The following PRKAG2 variants were observed in gnomAD, a reference collection of about 807,000 sequenced individuals.
The protein encoded by PRKAG2 is protein kinase AMP-activated non-catalytic subunit gamma 2.
Under a neutral mutation model 69.6 loss-of-function variants are expected in PRKAG2, and 26 were observed. The observed-to-expected ratio is 0.37, with a 90% CI of 0.27 to 0.52. PRKAG2 has a LOEUF of 0.52. Ranked by LOEUF, PRKAG2 falls within the 20% of genes least tolerant of loss-of-function variation. PRKAG2 has a pLI of 0.90. For synonymous variants in PRKAG2, 293 were observed against 285.0 expected (o/e 1.03, Z -0.28); for missense variants, 557 against 740.0 (o/e 0.75, Z 2.87).
chr7:151,793,173 A>C (rs2077344905), intron 1 of PRKAG2, among the ~76,000 whole-genome samples: 1 of 152,312 alleles, frequency 6.6e-6, no homozygotes, highest in African/African-American at 2.4e-5. Context: ...GCATGTTCTC[A>C]TCTCCTATCT....
chr7:151,628,017 T>C (rs1823428243), intron 5 of PRKAG2, among the ~76,000 whole-genome samples: 1 of 152,102 alleles, frequency 6.6e-6, no homozygotes, highest in African/African-American at 2.4e-5. Context: ...ACAGAATGGC[T>C]GAACTGGGAT....
At chr7:151,846,618 G>A (rs1424615182) in intron 1 of PRKAG2, among the ~76,000 whole-genome samples, 1 of 152,218 alleles carries the variant, frequency 6.6e-6, no homozygotes, top group Non-Finnish European at 1.5e-5. Flanking sequence ...GCTGGCAGGA[G>A]GTGGTATATG....
At chr7:151,598,455 C>T (rs569476213) in intron 5 of PRKAG2, among the ~76,000 whole-genome samples, 1 of 152,094 alleles carries the variant, frequency 6.6e-6, no homozygotes, top group African/African-American at 2.4e-5. Flanking sequence ...AATGTTCCTG[C>T]CATAAAGAAA....
chr7:151,640,881 T>C (rs1444551553), intron 4 of PRKAG2, among the ~76,000 whole-genome samples: 1 of 152,216 alleles, frequency 6.6e-6, no homozygotes, highest in Non-Finnish European at 1.5e-5. Context: ...ATTCAAAAAA[T>C]ATTTGAGTGA....
intron 4 of PRKAG2, among the ~76,000 whole-genome samples, chr7:151,652,208 T>A (rs1216511967): frequency 6.6e-6 from 1 of 152,250 alleles, no homozygotes. Context: ...TCAAGAAGGC[T>A]ATCCACAATT....
At chr7:151,641,799 C>T (rs562664910) in intron 4 of PRKAG2, among the ~76,000 whole-genome samples, 8 of 152,162 alleles carry the variant, frequency 5.3e-5, no homozygotes, top group East Asian at 1.9e-4. Flanking sequence ...GCATGAGTGA[C>T]ATCACCTGGC....
chr7:151,830,171 T>C (rs1285702627), intron 1 of PRKAG2, among the ~76,000 whole-genome samples: 1 of 150,338 alleles, frequency 6.7e-6, no homozygotes, highest in African/African-American at 2.4e-5. Flanking sequence ...GGGTCGCTGA[T>C]AGAAGTTCAG....
chr7:151,604,035 G>A (rs1302544608), intron 5 of PRKAG2, among the ~76,000 whole-genome samples: 1 of 152,148 alleles, frequency 6.6e-6, no homozygotes, highest in Non-Finnish European at 1.5e-5. Context: ...TGGACTGGTG[G>A]GTGGCTTGTG....
rs141606779 is a variant in PRKAG2, at chr7:151,684,247, A to G, written c.467-8610T>C. 1.6e-3 allele frequency among the ~76,000 whole-genome samples: 237 copies of G among 152,186 alleles called. 2 individuals are homozygous for G. Among genetic ancestry groups the G allele is most frequent in the African/African-American group, 5.4e-3 (224 of 41,524 alleles). On this transcript the variant is annotated intron_variant, in intron 3 of 15. Transcript: ENST00000287878. Reference sequence around the variant, plus strand: ...GGTAATGACTCCTGAAACCCTGCCCACACCCCTGGGAAAAGCCCCTTCAGA... The same window carrying G: ...GGTAATGACTCCTGAAACCCTGCCCGCACCCCTGGGAAAAGCCCCTTCAGA...
At chr7:151,679,422 C>T (rs763462956) in intron 3 of PRKAG2, among the ~76,000 whole-genome samples, 3 of 152,168 alleles carry the variant, frequency 2.0e-5, no homozygotes, top group Non-Finnish European at 2.9e-5. Flanking sequence ...TATCTCCTCT[C>T]CTGAGAGTCA....
chr7:151,867,330 G>A (rs1253955534), intron 1 of PRKAG2, among the ~76,000 whole-genome samples: 1 of 152,194 alleles, frequency 6.6e-6, no homozygotes, highest in African/African-American at 2.4e-5. Context: ...TTGCTCTAGA[G>A]GCCAGAGGTC....
At chr7:151,624,122 TG>T (rs1214718043) in intron 5 of PRKAG2, among the ~76,000 whole-genome samples, 3 of 150,578 alleles carry the variant, frequency 2.0e-5, no homozygotes, top group Non-Finnish European at 4.4e-5. Flanking sequence ...CAGCTCCAAG[TG>T]GGACAGAAGG....
intron 1 of PRKAG2, among the ~76,000 whole-genome samples, chr7:151,872,955 C>T (rs572147666): frequency 2.0e-5 from 3 of 152,228 alleles, no homozygotes; most frequent in African/African-American, 7.2e-5. Context: ...CAGGACGCCC[C>T]CATTAATCTG....
intron 3 of PRKAG2, among the ~76,000 whole-genome samples, chr7:151,728,352 C>G (rs1798345221): frequency 6.6e-6 from 1 of 152,178 alleles, no homozygotes. Context: ...AGTGCTCACT[C>G]TCATCTGGAA....
In PRKAG2 at chr7:151,614,957, G is replaced by A. The variant is rs1256995982; in HGVS notation, c.754+17112C>T. Among the ~76,000 whole-genome samples the A allele has an allele frequency of 1.3e-5, 2 of 151,746 alleles. No homozygotes were observed. The highest frequency in any genetic ancestry group is 2.4e-5 in the African/African-American group (1 of 41,334). On this transcript the variant is annotated intron_variant, in intron 5 of 15. Coordinates refer to ENST00000287878, the MANE Select transcript of PRKAG2 (RefSeq NM_016203.4). This position sits in a 1 kb window ranked among gnomAD's most constrained non-coding sequence, Gnocchi z 4.4. ...GGATCTAGAGGGAACCTCGAGAGAGGAGCCGTATGGATCCAGAGGGAACCT... is the reference window on the plus strand; with the variant it reads ...GGATCTAGAGGGAACCTCGAGAGAGAAGCCGTATGGATCCAGAGGGAACCT...
chr7:151,687,966 G>C (rs1001563012), intron 3 of PRKAG2, among the ~76,000 whole-genome samples: 1 of 148,832 alleles, frequency 6.7e-6, no homozygotes, highest in East Asian at 2.0e-4. Context: ...AGGGTGGAGC[G>C]GGTAGTGGAA....
rs894890844 is a variant in PRKAG2, at chr7:151,557,849, T to C, written c.1679-617A>G. 4.2e-5 allele frequency: 39 copies of C among 921,300 alleles called. No homozygotes were observed. The East Asian group carries it at 1.5e-3, about 36-fold the overall frequency. The allele number at this position is 921,300 out of a possible 1,614,324, so 57.1% of individuals were successfully genotyped here. ...ATCATGCCATTGCACTCCAGCCTGGTTGACAAGAGTGAAACTCCGTCTCAA... is the reference window on the plus strand; with the variant it reads ...ATCATGCCATTGCACTCCAGCCTGGCTGACAAGAGTGAAACTCCGTCTCAA... On this transcript the variant is annotated intron_variant, in intron 15 of 15. Transcript: ENST00000287878.
At chr7:151,597,778 A>G (rs1814928365) in intron 5 of PRKAG2, among the ~76,000 whole-genome samples, 1 of 151,906 alleles carries the variant, frequency 6.6e-6, no homozygotes, top group African/African-American at 2.4e-5. Context: ...AAAACAAAAC[A>G]AAACAAAAGA....
At chr7:151,744,261 A>T (rs117360214) in intron 3 of PRKAG2, among the ~76,000 whole-genome samples, 2 of 152,146 alleles carry the variant, frequency 1.3e-5, no homozygotes, top group Non-Finnish European at 2.9e-5. Context: ...TTCCCACGGC[A>T]TCGGGGAAGT....
Sources: gnomAD v4.1 joint callset for allele counts (sites outside exome capture counted in the v4.1 genomes callset) on GRCh38, gnomAD v4.1.1 for gene constraint, Gnocchi (gnomAD v3.1) non-coding constraint, MANE v1.5 for transcripts, NCBI Gene and HGNC (gene_info 2026-07-23, HGNC 2026-07-21) for gene names.